TNIK: variants seen among roughly 807,000 people sequenced by gnomAD.
TNIK encodes the protein TRAF2 and NCK-interacting protein kinase.
Under a neutral mutation model 191.3 loss-of-function variants are expected in TNIK, and 49 were observed. The ratio of observed to expected loss-of-function variants is 0.26; its 90% CI spans 0.20 to 0.32. The LOEUF (loss-of-function observed/expected upper bound fraction) is 0.32, where lower values mean the gene tolerates loss of function less well. Among genes scored for constraint, TNIK ranks in the 10% least tolerant of loss-of-function variants. The pLI is 1.00. For missense variants in TNIK, 1,155 were observed against 1,702.3 expected, an observed-to-expected ratio of 0.68 and a Z score of 5.66; for synonymous variants, 594 against 600.9, an observed-to-expected ratio of 0.99 and a Z score of 0.17.
chr3:171,115,113 T>C (rs912678279), intron 18 of TNIK, among the ~76,000 whole-genome samples: 6 of 152,234 alleles, frequency 3.9e-5, no homozygotes, highest in African/African-American at 1.4e-4. Flanking sequence ...TTAAGGTTTC[T>C]TGGAGTTGCT....
chr3:171,078,592 C>G (rs1720290626), intron 28 of TNIK, among the ~76,000 whole-genome samples: 1 of 151,738 alleles, frequency 6.6e-6, no homozygotes, highest in Non-Finnish European at 1.5e-5. Flanking sequence ...CATTTTCTTC[C>G]ACTCCTTATT....
intron 2 of TNIK, among the ~76,000 whole-genome samples, chr3:171,297,770 T>A (rs1290508185): frequency 6.6e-6 from 1 of 152,202 alleles, no homozygotes; most frequent in African/African-American, 2.4e-5. Flanking sequence ...ATGTTAAAAA[T>A]TTAATAATTA....
intron 18 of TNIK, among the ~76,000 whole-genome samples, chr3:171,117,965 G>A (rs765869004): frequency 1.1e-4 from 17 of 151,902 alleles, no homozygotes; most frequent in South Asian, 1.0e-3. Context: ...GCAAGACTCC[G>A]TCTCAAAAAA....
intron 2 of TNIK, among the ~76,000 whole-genome samples, chr3:171,319,264 A>G (rs955222338): frequency 1.4e-4 from 22 of 152,240 alleles, no homozygotes; most frequent in African/African-American, 5.1e-4. Flanking sequence ...TATCCTTTGT[A>G]CTTTAGATTT....
At chr3:171,158,318 C>A (rs1268544569) in intron 11 of TNIK, among the ~76,000 whole-genome samples, 1 of 152,238 alleles carries the variant, frequency 6.6e-6, no homozygotes, top group East Asian at 1.9e-4. Flanking sequence ...TTCAACCCAG[C>A]TCATTGGTTC....
chr3:171,282,745 G>A (rs554390423), intron 2 of TNIK, among the ~76,000 whole-genome samples: 23 of 152,278 alleles, frequency 1.5e-4, no homozygotes, highest in African/African-American at 4.8e-4. Context: ...TGAAGCTCAT[G>A]GACAAACTAT....
At chr3:171,339,392 T>G (rs1353046461) in intron 2 of TNIK, among the ~76,000 whole-genome samples, 1 of 152,252 alleles carries the variant, frequency 6.6e-6, no homozygotes, top group African/African-American at 2.4e-5. Context: ...CTCTGCCTTG[T>G]TCCCTTTACC....
chr3:171,429,783 G>A (rs1341125275), intron 1 of TNIK, among the ~76,000 whole-genome samples: 1 of 151,982 alleles, frequency 6.6e-6, no homozygotes, highest in Non-Finnish European at 1.5e-5. Context: ...TATGTTAATT[G>A]CCCATCAAGG....
intron 1 of TNIK, among the ~76,000 whole-genome samples, chr3:171,378,184 CTT>C (rs1290542733): frequency 1.3e-5 from 2 of 152,122 alleles, no homozygotes; most frequent in Non-Finnish European, 2.9e-5. Flanking sequence ...AAGCTAGTTT[CTT>C]TTTTTCCTAC....
At chr3:171,430,348 A>C (rs747653922) in intron 1 of TNIK, among the ~76,000 whole-genome samples, 1 of 152,166 alleles carries the variant, frequency 6.6e-6, no homozygotes, top group African/African-American at 2.4e-5. Flanking sequence ...AACGTGAACC[A>C]AGAAAATAAG....
At chr3:171,372,179 C>T (rs1716583335) in intron 1 of TNIK, among the ~76,000 whole-genome samples, 4 of 152,220 alleles carry the variant, frequency 2.6e-5, no homozygotes, top group Admixed American at 2.6e-4. Context: ...CTTGAATAAT[C>T]TATTCTTGGG....
At chr3:171,301,009 G>C (rs1199977787) in intron 2 of TNIK, among the ~76,000 whole-genome samples, 2 of 152,118 alleles carry the variant, frequency 1.3e-5, no homozygotes. Context: ...TGGATCGGGA[G>C]AGTCACAGGG....
In TNIK at chr3:171,093,778, T is replaced by G. The variant is rs1185095049; in HGVS notation, c.2721+61A>C. On this transcript the variant is annotated intron_variant, in intron 23 of 32. Coordinates refer to ENST00000436636, the MANE Select transcript of TNIK (RefSeq NM_015028.4). ...TGCCATAGGCATTCTCTGTGAAAGC[T>G]TTAATGTAAAAACCACTGAAGAAAT... The G allele has an allele frequency of 1.6e-5, 26 of 1,597,156 alleles. No homozygotes were observed. The East Asian group carries it at 5.7e-4, about 35-fold the overall frequency.
intron 2 of TNIK, among the ~76,000 whole-genome samples, chr3:171,230,040 G>C (rs575910941): frequency 9.8e-5 from 15 of 152,294 alleles, no homozygotes; most frequent in Admixed American, 4.6e-4. Context: ...AGAGAGGGCA[G>C]TGAGTGGGTA....
intron 2 of TNIK, among the ~76,000 whole-genome samples, chr3:171,259,385 G>A (rs75093718): frequency 1.3e-5 from 2 of 152,152 alleles, no homozygotes; most frequent in African/African-American, 4.8e-5. Flanking sequence ...GTTGTCTATT[G>A]GCAATTGATA....
intron 2 of TNIK, 103 bp downstream of exon 2, chr3:171,369,517 A>T: frequency 1.3e-6 from 1 of 772,436 alleles, no homozygotes; most frequent in Non-Finnish European, 2.0e-6. Flanking sequence ...AATTCATTTT[A>T]AATTTGTTAG....
chr3:171,248,303 A>T (rs2109070408), intron 2 of TNIK, among the ~76,000 whole-genome samples: 1 of 152,302 alleles, frequency 6.6e-6, no homozygotes, highest in Non-Finnish European at 1.5e-5. Flanking sequence ...TTCCAGGGAA[A>T]ACAGGAGAAG....
chr3:171,218,301 A>G (rs1349475914), intron 3 of TNIK, among the ~76,000 whole-genome samples: 1 of 152,130 alleles, frequency 6.6e-6, no homozygotes, highest in Non-Finnish European at 1.5e-5. Flanking sequence ...GTAGATAACA[A>G]AAGGTTGACA....
At chr3:171,444,911 C>T (rs533630572) in intron 1 of TNIK, among the ~76,000 whole-genome samples, 1 of 152,072 alleles carries the variant, frequency 6.6e-6, no homozygotes, top group African/African-American at 2.4e-5. Flanking sequence ...GATATGGTCT[C>T]GCCATGTTGC....
Sources: gnomAD v4.1 joint callset for allele counts (sites outside exome capture counted in the v4.1 genomes callset) on GRCh38, gnomAD v4.1.1 for gene constraint, MANE v1.5 for transcripts, NCBI Gene and HGNC (gene_info 2026-07-23, HGNC 2026-07-21) for gene names.